PPARGC1A: variants seen among roughly 807,000 people sequenced by gnomAD.
PPARGC1A encodes peroxisome proliferator-activated receptor gamma coactivator 1-alpha.
In PPARGC1A, 25 loss-of-function variants were observed where a neutral mutation model predicts 88.7. The ratio of observed to expected loss-of-function variants is 0.28; its 90% CI spans 0.21 to 0.39. The LOEUF (loss-of-function observed/expected upper bound fraction) is 0.39, where lower values mean the gene tolerates loss of function less well. Ranked by LOEUF, PPARGC1A falls within the 10% of genes least tolerant of loss-of-function variation. The probability of loss-of-function intolerance (pLI) is 1.00; values close to 1 mark genes in which losing one functional copy is unlikely to be tolerated. For missense variants in PPARGC1A, 880 were observed against 968.7 expected (o/e 0.91, Z 1.22); for synonymous variants, 363 against 355.6 (o/e 1.02, Z -0.24).
chr4:24,073,989 G>A, the PPARGC1A span, among the ~76,000 whole-genome samples: 44 of 152,206 alleles, frequency 2.9e-4, no homozygotes, highest in African/African-American at 1.0e-3. Context: ...CAGAAACAGC[G>A]CCCAGTGTTC....
chr4:24,049,819 A>T, the PPARGC1A span, among the ~76,000 whole-genome samples: 3 of 152,172 alleles, frequency 2.0e-5, no homozygotes, highest in Non-Finnish European at 2.9e-5. Flanking sequence ...ACTGCCTTCC[A>T]ACTCTAGTCA....
chr4:24,344,708 C>T, the PPARGC1A span, among the ~76,000 whole-genome samples: 2 of 151,808 alleles, frequency 1.3e-5, no homozygotes, highest in African/African-American at 4.8e-5. Context: ...TGAGTTGTCT[C>T]TTTACTCTGC....
At chr4:23,915,130 G>C in the PPARGC1A span, among the ~76,000 whole-genome samples, 1 of 152,024 alleles carries the variant, frequency 6.6e-6, no homozygotes, top group African/African-American at 2.4e-5. Flanking sequence ...ACTTTGGACT[G>C]ACTCCATTTG....
At chr4:23,990,942 T>TA in the PPARGC1A span, among the ~76,000 whole-genome samples, 700 of 152,078 alleles carry the variant, frequency 4.6e-3, 7 homozygotes, top group African/African-American at 0.016. Context: ...TGAAATAAAA[T>TA]AAAAGTATCT....
intron 5 of PPARGC1A, among the ~76,000 whole-genome samples, chr4:23,825,483 T>C (rs1358810373): frequency 6.6e-6 from 1 of 152,116 alleles, no homozygotes; most frequent in Non-Finnish European, 1.5e-5. Flanking sequence ...GTTTCTTATC[T>C]TATGGTTGAA....
chr4:23,911,920 C>T, the PPARGC1A span, among the ~76,000 whole-genome samples: 3 of 152,134 alleles, frequency 2.0e-5, no homozygotes, highest in African/African-American at 7.2e-5. Flanking sequence ...CTAAAAAGCA[C>T]CTGTTTTTAT....
chr4:23,951,958 C>G, the PPARGC1A span, among the ~76,000 whole-genome samples: 1 of 152,112 alleles, frequency 6.6e-6, no homozygotes, highest in Non-Finnish European at 1.5e-5. Context: ...TTGAATGATT[C>G]TGTTTATAAC....
At chr4:24,211,236 C>A in the PPARGC1A span, among the ~76,000 whole-genome samples, 4 of 152,024 alleles carry the variant, frequency 2.6e-5, no homozygotes, top group African/African-American at 9.7e-5. Context: ...CAATGAGAAA[C>A]CTGAAATTCA....
the PPARGC1A span, among the ~76,000 whole-genome samples, chr4:24,127,399 T>C: frequency 1.3e-5 from 2 of 151,998 alleles, no homozygotes; most frequent in African/African-American, 2.4e-5. Flanking sequence ...AATCTGAAGA[T>C]TTTTTTATCA....
the PPARGC1A span, among the ~76,000 whole-genome samples, chr4:24,388,466 C>T: frequency 6.6e-6 from 1 of 152,188 alleles, no homozygotes; most frequent in Admixed American, 6.5e-5. Flanking sequence ...CATCCCATTA[C>T]TGGGTATATA....
At chr4:24,406,199 C>A in the PPARGC1A span, among the ~76,000 whole-genome samples, 1 of 152,176 alleles carries the variant, frequency 6.6e-6, no homozygotes, top group Non-Finnish European at 1.5e-5. Flanking sequence ...AATACTCTCG[C>A]CCTGGGTGGT....
the PPARGC1A span, among the ~76,000 whole-genome samples, chr4:24,005,104 C>G: frequency 1.3e-5 from 2 of 152,014 alleles, no homozygotes; most frequent in Non-Finnish European, 2.9e-5. Context: ...TATCCTAGGT[C>G]CCTAGGTTAT....
the PPARGC1A span, among the ~76,000 whole-genome samples, chr4:24,117,961 C>T: frequency 6.6e-6 from 1 of 152,106 alleles, no homozygotes; most frequent in African/African-American, 2.4e-5. Flanking sequence ...TTTTATGAAT[C>T]CTTTGGAATT....
the PPARGC1A span, among the ~76,000 whole-genome samples, chr4:24,356,200 C>CAA: frequency 6.7e-5 from 5 of 74,562 alleles, no homozygotes; most frequent in Admixed American, 1.6e-4. Flanking sequence ...CCGTCTCAAA[C>CAA]AAAAAAAAAA....
chr4:24,316,946 G>A, the PPARGC1A span, among the ~76,000 whole-genome samples: 1 of 152,174 alleles, frequency 6.6e-6, no homozygotes, highest in Admixed American at 6.5e-5. Flanking sequence ...TGCCATGGGT[G>A]TAGGTGGAGG....
At chr4:23,947,684 C>T in the PPARGC1A span, among the ~76,000 whole-genome samples, 1 of 152,048 alleles carries the variant, frequency 6.6e-6, no homozygotes, top group Non-Finnish European at 1.5e-5. Context: ...GGAGACTGCA[C>T]TCCATGGAGA....
At chr4:24,416,622 G>A in the PPARGC1A span, among the ~76,000 whole-genome samples, 8 of 152,188 alleles carry the variant, frequency 5.3e-5, no homozygotes, top group South Asian at 2.1e-4. Context: ...GCCCAGGAAC[G>A]CAAATATCTA....
chr4:24,166,559 T>C, the PPARGC1A span, among the ~76,000 whole-genome samples: 3 of 152,196 alleles, frequency 2.0e-5, no homozygotes, highest in Non-Finnish European at 4.4e-5. Flanking sequence ...GTTGGTGACT[T>C]TAAGTTGAAG....
the PPARGC1A span, among the ~76,000 whole-genome samples, chr4:23,947,096 T>A: frequency 3.7e-4 from 56 of 151,838 alleles, no homozygotes; most frequent in African/African-American, 1.3e-3. Flanking sequence ...CCACTGGAGG[T>A]TCCCTGGTGC....
Sources: allele counts gnomAD v4.1 joint callset (sites outside exome capture counted in the v4.1 genomes callset), GRCh38; gene constraint gnomAD v4.1.1; transcripts MANE v1.5; gene names NCBI Gene and HGNC (gene_info 2026-07-23, HGNC 2026-07-21).